Variants in GPM6A observed in about 807,000 individuals in gnomAD.
GPM6A encodes the protein glycoprotein M6A.
In GPM6A, 7 loss-of-function variants were observed where a neutral mutation model predicts 32.1. The observed-to-expected ratio is 0.22, with a 90% CI of 0.12 to 0.41. GPM6A has a LOEUF of 0.41. GPM6A is among the 10% of genes least tolerant of loss of function. GPM6A has a pLI of 1.00. For synonymous variants in GPM6A, 130 were observed against 123.4 expected, an observed-to-expected ratio of 1.05 and a Z score of -0.35; for missense variants, 235 against 347.2, an observed-to-expected ratio of 0.68 and a Z score of 2.57.
intron 1 of GPM6A, among the ~76,000 whole-genome samples, chr4:175,936,706 C>A (rs562801351): frequency 1.6e-4 from 24 of 151,648 alleles, no homozygotes; most frequent in South Asian, 6.2e-4. Flanking sequence ...AGAAAAAAAA[C>A]CCATAAAAAC....
intron 1 of GPM6A, among the ~76,000 whole-genome samples, chr4:175,858,764 CT>C (rs1011479270): frequency 1.5e-4 from 23 of 152,232 alleles, no homozygotes; most frequent in Admixed American, 1.3e-3. Flanking sequence ...CATATTATGA[CT>C]CTTATAAGAA....
At chr4:175,866,575 G>A (rs1238512340) in intron 1 of GPM6A, among the ~76,000 whole-genome samples, 4 of 151,996 alleles carry the variant, frequency 2.6e-5, no homozygotes, top group Non-Finnish European at 4.4e-5. Context: ...AGGATTCCCC[G>A]TGTTTTTGCA....
intron 2 of GPM6A, among the ~76,000 whole-genome samples, chr4:175,678,103 G>A (rs1743480280): frequency 6.6e-6 from 1 of 152,004 alleles, no homozygotes; most frequent in Non-Finnish European, 1.5e-5. Flanking sequence ...CCCACTCCAG[G>A]CCATACAGAC....
intron 1 of GPM6A, among the ~76,000 whole-genome samples, chr4:175,729,485 T>C (rs1035640385): frequency 2.6e-5 from 4 of 152,012 alleles, no homozygotes; most frequent in Admixed American, 6.6e-5. Flanking sequence ...TTCTCATGGA[T>C]ACAAAAAAAT....
At chr4:175,756,514 T>A (rs1732530515) in intron 1 of GPM6A, among the ~76,000 whole-genome samples, 2 of 152,114 alleles carry the variant, frequency 1.3e-5, no homozygotes, top group Non-Finnish European at 2.9e-5. Flanking sequence ...GACAGTACTT[T>A]GTTTATGAGA....
At chr4:175,958,715 A>T (rs1740068859) in intron 1 of GPM6A, among the ~76,000 whole-genome samples, 2 of 152,174 alleles carry the variant, frequency 1.3e-5, no homozygotes, top group Admixed American at 1.3e-4. Context: ...GGTGTGATCT[A>T]CTCACATCTG....
intron 1 of GPM6A, among the ~76,000 whole-genome samples, chr4:175,897,115 A>G (rs1737818655): frequency 6.6e-6 from 1 of 152,178 alleles, no homozygotes; most frequent in African/African-American, 2.4e-5. Flanking sequence ...CCAAGAAGCC[A>G]CATAGAAGAC....
At chr4:175,790,791 A>AAATTATCTATTTATTGCCTAAAAAAT (rs1733982924) in intron 1 of GPM6A, among the ~76,000 whole-genome samples, 1 of 152,338 alleles carries the variant, frequency 6.6e-6, no homozygotes, top group East Asian at 1.9e-4. Flanking sequence ...CAACATGATG[A>AAATTATCTATTTATTGCCTAAAAAAT]AATTATCTAT....
intron 1 of GPM6A, among the ~76,000 whole-genome samples, chr4:175,896,456 A>T (rs972161340): frequency 1.3e-5 from 2 of 152,090 alleles, no homozygotes; most frequent in African/African-American, 4.8e-5. Flanking sequence ...AGATCCAGAC[A>T]TGTCTGCCCC....
intron 1 of GPM6A, among the ~76,000 whole-genome samples, chr4:175,934,503 C>A (rs1739157874): frequency 6.6e-6 from 1 of 152,132 alleles, no homozygotes; most frequent in Non-Finnish European, 1.5e-5. Flanking sequence ...GGAAAAATTA[C>A]ATAGACTATA....
chr4:175,707,230 C>T (rs536581959), intron 1 of GPM6A, among the ~76,000 whole-genome samples: 28 of 152,316 alleles, frequency 1.8e-4, no homozygotes, highest in African/African-American at 6.3e-4. Context: ...ATGGGCTTGC[C>T]CTGAACTTCT....
chr4:175,832,218 A>C (rs540735429), intron 1 of GPM6A, among the ~76,000 whole-genome samples: 1 of 152,126 alleles, frequency 6.6e-6, no homozygotes, highest in Non-Finnish European at 1.5e-5. Flanking sequence ...CAAACAAACA[A>C]ATAACAAACT....
intron 1 of GPM6A, among the ~76,000 whole-genome samples, chr4:175,878,029 A>T (rs1359939670): frequency 1.3e-5 from 2 of 152,226 alleles, no homozygotes; most frequent in Admixed American, 1.3e-4. Context: ...CAGGGCAGTC[A>T]AATATTAAAG....
intron 1 of GPM6A, among the ~76,000 whole-genome samples, chr4:175,820,646 T>A (rs904806192): frequency 4.6e-5 from 7 of 151,812 alleles, no homozygotes; most frequent in Non-Finnish European, 1.0e-4. Flanking sequence ...ATTACAGGCA[T>A]GCGCCACCAC....
Position 175,637,387 on chromosome 4 carries a change from TATA to T in GPM6A, c.685-2333_685-2331del, listed in dbSNP as rs1362840399. Among the ~76,000 whole-genome samples the T allele has an allele frequency of 2.8e-4, 22 of 79,806 alleles. No homozygotes were observed. The South Asian group carries it at 3.8e-3, about 14-fold the overall frequency. The allele number at this position is 79,806 out of a possible 152,430, so 52.4% of individuals were successfully genotyped here. On this transcript the variant is annotated intron_variant, in intron 6 of 6. Coordinates refer to ENST00000393658, the MANE Select transcript of GPM6A (RefSeq NM_201591.3). The stretch of plus-strand genomic sequence containing the variant: ...ATAACATATAATATATTATATAATA[TATA>T]ATAATATAATATAGTATATATATAA...
intron 1 of GPM6A, chr4:175,805,970 T>G (rs1200627225): frequency 6.6e-6 from 1 of 152,212 alleles, no homozygotes; most frequent in African/African-American, 2.4e-5. Flanking sequence ...TCCAAGACAA[T>G]GGTCACAACT....
chr4:175,799,671 C>T (rs200006370), intron 1 of GPM6A, among the ~76,000 whole-genome samples: 78 of 122,054 alleles, frequency 6.4e-4, no homozygotes, highest in South Asian at 8.3e-4. Context: ...CAAGTGTTTT[C>T]TTTTTTTTTT....
intron 4 of GPM6A, 58 bp from the exon 5 acceptor site, chr4:175,640,887 G>GA (rs1244606970): frequency 4.6e-6 from 5 of 1,082,624 alleles, no homozygotes; most frequent in African/African-American, 3.2e-5. Flanking sequence ...AGCCAAGAGA[G>GA]AAAAAAATGA....
At chr4:175,936,360 A>C (rs1444784206) in intron 1 of GPM6A, among the ~76,000 whole-genome samples, 1 of 150,632 alleles carries the variant, frequency 6.6e-6, no homozygotes. Flanking sequence ...TTATATAATA[A>C]AATTAAAATA....
Sources: gnomAD v4.1 joint callset for allele counts (sites outside exome capture counted in the v4.1 genomes callset) on GRCh38, gnomAD v4.1.1 for gene constraint, MANE v1.5 for transcripts, NCBI Gene and HGNC (gene_info 2026-07-23, HGNC 2026-07-21) for gene names.